PHF14: variants seen among roughly 807,000 people sequenced by gnomAD.
The protein encoded by PHF14 is PHD finger protein 14.
PHF14 carries 55 observed loss-of-function variants against 117.9 expected under a neutral mutation model. The ratio of observed to expected loss-of-function variants is 0.47; its 90% CI spans 0.38 to 0.58. The LOEUF (loss-of-function observed/expected upper bound fraction) is 0.58. PHF14 is among the 20% of genes least tolerant of loss of function. The pLI, the probability that PHF14 is intolerant of heterozygous loss-of-function variation, is 0.00. For synonymous variants in PHF14, 409 were observed against 368.6 expected, an observed-to-expected ratio of 1.11 and a Z score of -1.26; for missense variants, 978 against 1,122.2, an observed-to-expected ratio of 0.87 and a Z score of 1.84.
At chr7:11,071,006 T>C (rs1716888929) in intron 16 of PHF14, among the ~76,000 whole-genome samples, 1 of 152,240 alleles carries the variant, frequency 6.6e-6, no homozygotes, top group African/African-American at 2.4e-5. Flanking sequence ...TGTATGCTTC[T>C]TGAAGCTAAA....
intron 14 of PHF14, among the ~76,000 whole-genome samples, chr7:11,058,171 A>G (rs1785085832): frequency 6.6e-6 from 1 of 152,200 alleles, no homozygotes; most frequent in Non-Finnish European, 1.5e-5. Flanking sequence ...CCAGTTATAT[A>G]TACTTCTATT....
At chr7:11,006,514 C>T in intron 4 of PHF14, 1 of 565,190 alleles carries the variant, frequency 1.8e-6, no homozygotes, top group South Asian at 1.4e-5. Context: ...TTGGCCACAT[C>T]AATGTCACAG....
chr7:11,020,090 C>CTT (rs879440253), intron 5 of PHF14, among the ~76,000 whole-genome samples: 1 of 147,538 alleles, frequency 6.8e-6, no homozygotes. Flanking sequence ...TCAGTTCTTT[C>CTT]TTTTTTTTTT....
intron 17 of PHF14, among the ~76,000 whole-genome samples, chr7:11,120,953 G>T (rs932896895): frequency 6.6e-6 from 1 of 152,060 alleles, no homozygotes; most frequent in East Asian, 1.9e-4. Context: ...GACTATAAAG[G>T]CATATTTTTT....
At chr7:11,031,226 T>C (rs1237195252) in intron 7 of PHF14, among the ~76,000 whole-genome samples, 1 of 152,122 alleles carries the variant, frequency 6.6e-6, no homozygotes, top group Non-Finnish European at 1.5e-5. Context: ...AATAAACATA[T>C]CAGTTTCATC....
intron 17 of PHF14, among the ~76,000 whole-genome samples, chr7:11,147,994 CTCA>C (rs969993945): frequency 6.6e-6 from 1 of 152,138 alleles, no homozygotes; most frequent in African/African-American, 2.4e-5. Flanking sequence ...CTACCTCAGT[CTCA>C]TCATTTTTGA....
At chr7:11,056,579 G>T (rs1264344266) in intron 14 of PHF14, among the ~76,000 whole-genome samples, 1 of 151,904 alleles carries the variant, frequency 6.6e-6, no homozygotes, top group African/African-American at 2.4e-5. Context: ...TTTATTGGTA[G>T]CCAACAGAAA....
At chr7:11,149,987 T>A (rs1202260165) in intron 17 of PHF14, among the ~76,000 whole-genome samples, 1 of 152,134 alleles carries the variant, frequency 6.6e-6, no homozygotes, top group Non-Finnish European at 1.5e-5. Flanking sequence ...TGTGTGAGGC[T>A]AGCTTTTGAG....
At chr7:11,095,783 C>T (rs1223841058) in intron 16 of PHF14, among the ~76,000 whole-genome samples, 1 of 152,122 alleles carries the variant, frequency 6.6e-6, no homozygotes, top group Non-Finnish European at 1.5e-5. Context: ...ATGTAAGTAT[C>T]AAGCATCATC....
chr7:11,117,180 A>C (rs1429235784), intron 17 of PHF14, among the ~76,000 whole-genome samples: 1 of 151,898 alleles, frequency 6.6e-6, no homozygotes, highest in Non-Finnish European at 1.5e-5. Context: ...TATCGTGACT[A>C]TGTCAGTTAC....
At chr7:11,051,078 T>A (rs1784837181) in intron 13 of PHF14, among the ~76,000 whole-genome samples, 1 of 152,192 alleles carries the variant, frequency 6.6e-6, no homozygotes, top group South Asian at 2.1e-4. Flanking sequence ...CTTGCTCATG[T>A]TACCCAGGCT....
intron 2 of PHF14, among the ~76,000 whole-genome samples, chr7:10,980,746 A>G (rs999690717): frequency 3.9e-5 from 6 of 152,172 alleles, no homozygotes; most frequent in African/African-American, 1.4e-4. Flanking sequence ...CGCAGAAATA[A>G]TGTTTGATTA....
At chr7:11,045,993 G>A (rs148315373) in intron 13 of PHF14, among the ~76,000 whole-genome samples, 1 of 152,148 alleles carries the variant, frequency 6.6e-6, no homozygotes, top group Non-Finnish European at 1.5e-5. Flanking sequence ...GGAAAACCTA[G>A]GGGCTTCTTA....
At chr7:10,989,102 A>C (rs1474186951) in intron 3 of PHF14, among the ~76,000 whole-genome samples, 3 of 152,212 alleles carry the variant, frequency 2.0e-5, no homozygotes, top group African/African-American at 7.2e-5. Context: ...AGAGAAGCAA[A>C]ATACAGAACT....
chr7:11,134,366 A>G (rs1788161587), intron 17 of PHF14, among the ~76,000 whole-genome samples: 1 of 152,062 alleles, frequency 6.6e-6, no homozygotes, highest in Non-Finnish European at 1.5e-5. Flanking sequence ...GAGATTTGCA[A>G]ACTTTTTAAA....
intron 17 of PHF14, among the ~76,000 whole-genome samples, chr7:11,161,273 A>G (rs1789016291): frequency 6.6e-6 from 1 of 152,196 alleles, no homozygotes; most frequent in Admixed American, 6.5e-5. Context: ...TAAGTTTGAT[A>G]CAATGAGTCG....
intron 16 of PHF14, among the ~76,000 whole-genome samples, chr7:11,092,301 A>G (rs1414997963): frequency 6.6e-6 from 1 of 152,182 alleles, no homozygotes; most frequent in Non-Finnish European, 1.5e-5. Flanking sequence ...AAGCACCTGA[A>G]AGGCTTGTTA....
intron 7 of PHF14, among the ~76,000 whole-genome samples, chr7:11,032,336 A>G (rs1784147462): frequency 1.3e-5 from 2 of 152,140 alleles, no homozygotes; most frequent in Admixed American, 6.6e-5. Context: ...AAACACATCA[A>G]TTTTACTATT....
chr7:11,072,064 A>G (rs1562451044), intron 16 of PHF14, among the ~76,000 whole-genome samples: 1 of 152,204 alleles, frequency 6.6e-6, no homozygotes, highest in Non-Finnish European at 1.5e-5. Context: ...GCTGTAAAGA[A>G]ATACCCAAGA....
Sources: gnomAD v4.1 joint callset for allele counts (sites outside exome capture counted in the v4.1 genomes callset) on GRCh38, gnomAD v4.1.1 for gene constraint, MANE v1.5 for transcripts, NCBI Gene and HGNC (gene_info 2026-07-23, HGNC 2026-07-21) for gene names.